Variants in FGFR2 observed in about 807,000 individuals in gnomAD.
FGFR2 encodes BEK fibroblast growth factor receptor.
A neutral mutation model predicts 95.9 loss-of-function variants in FGFR2; 19 were observed. The observed-to-expected ratio is 0.20, with a 90% CI of 0.14 to 0.29. The LOEUF is 0.29. Ranked by LOEUF, FGFR2 falls within the 10% of genes least tolerant of loss-of-function variation. The pLI, the probability that FGFR2 is intolerant of heterozygous loss-of-function variation, is 1.00. For missense variants in FGFR2, 707 were observed against 1,056.9 expected, an observed-to-expected ratio of 0.67 and a Z score of 4.59; for synonymous variants, 392 against 393.3, an observed-to-expected ratio of 1.00 and a Z score of 0.04.
chr10:121,501,426 T>A (rs1424174451), intron 10 of FGFR2, among the ~76,000 whole-genome samples: 1 of 152,232 alleles, frequency 6.6e-6, no homozygotes, highest in Non-Finnish European at 1.5e-5. Context: ...TAAAAGCATT[T>A]CAAGGAATCT....
intron 6 of FGFR2, chr10:121,538,169 T>C (rs1853135105): frequency 3.3e-6 from 2 of 598,770 alleles, no homozygotes; most frequent in African/African-American, 3.7e-5. Flanking sequence ...ACAGGCTCAG[T>C]CCTCAGACCT....
chr10:121,484,950 C>A (rs573390171), intron 16 of FGFR2, among the ~76,000 whole-genome samples: 8 of 152,138 alleles, frequency 5.3e-5, no homozygotes, highest in Admixed American at 5.2e-4. Context: ...TGGGGCCAGG[C>A]GGGGGCCAGG....
intron 6 of FGFR2, among the ~76,000 whole-genome samples, chr10:121,534,219 C>A (rs2134525765): frequency 6.6e-6 from 1 of 150,952 alleles, no homozygotes; most frequent in South Asian, 2.1e-4. Context: ...CTGCCTCAGC[C>A]TCCTGAGTAG....
At chr10:121,548,712 A>G (rs1273426056) in intron 5 of FGFR2, among the ~76,000 whole-genome samples, 1 of 152,132 alleles carries the variant, frequency 6.6e-6, no homozygotes, top group Non-Finnish European at 1.5e-5. Context: ...GTTAACCACC[A>G]GGATTTTGAC....
At chr10:121,543,131 C>G (rs2134680583) in intron 5 of FGFR2, among the ~76,000 whole-genome samples, 1 of 152,332 alleles carries the variant, frequency 6.6e-6, no homozygotes, top group East Asian at 1.9e-4. Context: ...CCCAGGAAGA[C>G]AGCAATCTCT....
chr10:121,515,661 G>A (rs1488703440), intron 8 of FGFR2, among the ~76,000 whole-genome samples: 3 of 151,858 alleles, frequency 2.0e-5, no homozygotes, highest in South Asian at 4.2e-4. Context: ...TTTCATGATC[G>A]TCTGTGAATG....
chr10:121,582,734 G>T (rs1314732487), intron 2 of FGFR2, among the ~76,000 whole-genome samples: 2 of 152,104 alleles, frequency 1.3e-5, no homozygotes, highest in Non-Finnish European at 2.9e-5. Flanking sequence ...AGTGATCCAA[G>T]ATCGCACCAC....
At chr10:121,594,056 C>G in intron 1 of FGFR2, 89 bp from the exon 2 acceptor site, 1 of 601,098 alleles carries the variant, frequency 1.7e-6, no homozygotes, top group Non-Finnish European at 3.0e-6. Flanking sequence ...TTCAGCCTCT[C>G]AAATGTGCGC....
intron 9 of FGFR2, among the ~76,000 whole-genome samples, chr10:121,505,652 T>C (rs2134090903): frequency 6.6e-6 from 1 of 152,204 alleles, no homozygotes; most frequent in East Asian, 1.9e-4. Context: ...AGACTAGGCA[T>C]AAGCCCCACC....
intron 4 of FGFR2, among the ~76,000 whole-genome samples, chr10:121,559,309 A>G (rs79311100): frequency 0.014 from 2,118 of 152,252 alleles, 54 homozygotes; most frequent in African/African-American, 0.048. Flanking sequence ...AATACAAAGA[A>G]TTTGGTGCTT....
intron 10 of FGFR2, among the ~76,000 whole-genome samples, chr10:121,502,889 A>AT (rs1847781637): frequency 6.6e-6 from 1 of 152,122 alleles, no homozygotes; most frequent in Admixed American, 6.5e-5. Flanking sequence ...TGCCTAGAGG[A>AT]CGAGGGCTAG....
At chr10:121,515,014 GGAA>G in intron 9 of FGFR2, 100 bp downstream of exon 9, 1 of 1,093,396 alleles carries the variant, frequency 9.1e-7, no homozygotes, top group Non-Finnish European at 1.4e-6. Context: ...ACTCGCACAT[GGAA>G]GCTCACAGAA....
Position 121,522,107 on chromosome 10 carries a change from G to A in FGFR2, c.749-1938C>T, listed in dbSNP as rs1054267352. 9.8e-5 allele frequency among the ~76,000 whole-genome samples: 15 copies of A among 152,310 alleles called. No homozygotes were observed. The South Asian group carries it at 1.2e-3, about 13-fold the overall frequency. ...CATCGCATTCATAAAATCAAAGAGC[G>A]GAACGGTGGTTGCCAGGGGCTGGGA... On this transcript the variant is annotated intron_variant, in intron 6 of 17. Coordinates refer to ENST00000358487, the MANE Select transcript of FGFR2 (RefSeq NM_000141.5).
intron 9 of FGFR2, among the ~76,000 whole-genome samples, chr10:121,514,634 A>G (rs1849447096): frequency 6.6e-6 from 1 of 152,242 alleles, no homozygotes; most frequent in African/African-American, 2.4e-5. Flanking sequence ...CAAACAGTTC[A>G]GATGCACCCC....
At chr10:121,507,699 G>A (rs1176607142) in intron 9 of FGFR2, among the ~76,000 whole-genome samples, 2 of 152,178 alleles carry the variant, frequency 1.3e-5, no homozygotes, top group African/African-American at 4.8e-5. Flanking sequence ...GGCACTAAGA[G>A]CTCAGTTAAT....
At chr10:121,558,075 A>G (rs1324742494) in intron 4 of FGFR2, among the ~76,000 whole-genome samples, 1 of 152,232 alleles carries the variant, frequency 6.6e-6, no homozygotes, top group African/African-American at 2.4e-5. Flanking sequence ...CTTTTCGTCC[A>G]TCATGATCTT....
chr10:121,496,513 T>A lies in FGFR2; in HGVS notation c.1863+19A>T, dbSNP rs1164060462. 1 of 1,613,416 alleles carries A rather than the reference T, an allele frequency of 6.2e-7. No homozygotes were observed. The highest frequency in any genetic ancestry group is 8.5e-7 in the Non-Finnish European group (1 of 1,179,470). On this transcript the variant is annotated intron_variant, in intron 13 of 17. Transcript: ENST00000358487. Reference sequence around the variant, plus strand: ...TTTAGTTGGATTCCACCCAGCCAAGTAGAATGTGAAAGACTCACTTTTTGG... The same window carrying A: ...TTTAGTTGGATTCCACCCAGCCAAGAAGAATGTGAAAGACTCACTTTTTGG...
In FGFR2 at chr10:121,531,914, C is replaced by T. The variant is rs1173733270; in HGVS notation, c.748+6678G>A. On this transcript the variant is annotated intron_variant, in intron 6 of 17. Transcript: ENST00000358487. The surrounding 1 kb of genome is among the most constrained non-coding windows in gnomAD (Gnocchi z 4.5). ...AAAGGAAGGTGCTTCCTCCTCAACT[C>T]CGCTCCGGTTCCGTGATCTGTCAAC... 6.6e-6 allele frequency among the ~76,000 whole-genome samples: 1 copy of T among 152,192 alleles called. No homozygotes were observed. The highest frequency in any genetic ancestry group is 2.4e-5 in the African/African-American group (1 of 41,446).
chr10:121,573,736 T>C (rs1590048675), intron 2 of FGFR2, among the ~76,000 whole-genome samples: 2 of 151,648 alleles, frequency 1.3e-5, no homozygotes, highest in South Asian at 2.1e-4. Flanking sequence ...CCTGTCAGGG[T>C]TGTGGGTTGC....
Sources: gnomAD v4.1 joint callset for allele counts (sites outside exome capture counted in the v4.1 genomes callset) on GRCh38, gnomAD v4.1.1 for gene constraint, Gnocchi (gnomAD v3.1) non-coding constraint, MANE v1.5 for transcripts, NCBI Gene and HGNC (gene_info 2026-07-23, HGNC 2026-07-21) for gene names.